The following SNRK variants were observed in gnomAD, a reference collection of about 807,000 sequenced individuals.
The protein encoded by SNRK is SNF related kinase, also known as SNF-related serine/threonine-protein kinase.
In SNRK, 3 loss-of-function variants were observed where a neutral mutation model predicts 48.2. The observed-to-expected ratio is 0.06, with a 90% CI of 0.03 to 0.16. SNRK has a LOEUF of 0.16. Ranked by LOEUF, SNRK falls within the 10% of genes least tolerant of loss-of-function variation. SNRK has a pLI of 1.00. For missense variants in SNRK, 627 were observed against 976.0 expected, an observed-to-expected ratio of 0.64 and a Z score of 4.76; for synonymous variants, 376 against 366.1, an observed-to-expected ratio of 1.03 and a Z score of -0.31.
At chr3:43,343,168 C>CTT in intron 5 of SNRK, 176 bp from the exon 6 acceptor site, 4 of 718,640 alleles carry the variant, frequency 5.6e-6, no homozygotes, top group Non-Finnish European at 8.6e-6. Flanking sequence ...GTTTTTAGAA[C>CTT]TTTGAGTGAC....
chr3:43,348,248 G>A lies in SNRK; in HGVS notation c.1989G>A (p.Lys663=), dbSNP rs772754873. The A allele has an allele frequency of 3.7e-6, 6 of 1,613,924 alleles. No individual in the cohort carries two copies. The highest frequency in any genetic ancestry group is 1.7e-5 in the Admixed American group (1 of 59,984). The change falls in exon 7 of 7, where the codon AAG becomes AAA. Residue 663 remains lysine, a synonymous_variant. Coordinates refer to ENST00000296088, the MANE Select transcript of SNRK (RefSeq NM_017719.5). ...CLGSQLHGST[K]YIIDPQNGLS... ...GCTCCCAGCTTCATGGGAGCACCAA[G>A]TACATTATTGATCCACAGAATGGCT...
chr3:43,344,562 G>T (rs1283452921), intron 6 of SNRK, among the ~76,000 whole-genome samples: 3 of 152,088 alleles, frequency 2.0e-5, no homozygotes, highest in South Asian at 2.1e-4. Context: ...CAGAGTAGGG[G>T]GAGGAAAACA....
At chr3:43,318,983 G>A (rs1222476754) in intron 3 of SNRK, among the ~76,000 whole-genome samples, 2 of 151,122 alleles carry the variant, frequency 1.3e-5, no homozygotes, top group Non-Finnish European at 2.9e-5. Flanking sequence ...AGCTGAGATC[G>A]TGCCACTGCA....
At chr3:43,305,241 C>T (rs1318030165) in intron 3 of SNRK, among the ~76,000 whole-genome samples, 3 of 152,056 alleles carry the variant, frequency 2.0e-5, no homozygotes, top group African/African-American at 7.2e-5. Flanking sequence ...ATCTGATAAC[C>T]TAGCAGTTCT....
chr3:43,297,784 A>G (rs1389407178), intron 1 of SNRK, among the ~76,000 whole-genome samples: 2 of 152,218 alleles, frequency 1.3e-5, no homozygotes, highest in African/African-American at 4.8e-5. Flanking sequence ...AAAAGCAAAT[A>G]CTTACATTTT....
intron 3 of SNRK, among the ~76,000 whole-genome samples, chr3:43,310,302 T>C (rs2090970284): frequency 6.6e-6 from 1 of 152,202 alleles, no homozygotes; most frequent in Non-Finnish European, 1.5e-5. Context: ...CTTTCTTTGC[T>C]CTTTCCCCAG....
chr3:43,287,886 T>G (rs2090778765), intron 1 of SNRK, among the ~76,000 whole-genome samples: 1 of 152,246 alleles, frequency 6.6e-6, no homozygotes, highest in African/African-American at 2.4e-5. Flanking sequence ...TATAAAATAA[T>G]TCCCTTAAGG....
intron 3 of SNRK, 144 bp from the exon 4 acceptor site, chr3:43,332,025 G>T (rs2091150346): frequency 5.6e-6 from 3 of 531,172 alleles, no homozygotes; most frequent in Non-Finnish European, 9.1e-6. Context: ...TGCCCTATTG[G>T]GGCTTCTTTT....
chr3:43,331,040 C>T (rs2091142416), intron 3 of SNRK, among the ~76,000 whole-genome samples: 1 of 152,164 alleles, frequency 6.6e-6, no homozygotes, highest in African/African-American at 2.4e-5. Flanking sequence ...TGGGAAATAA[C>T]ATGGAACCTA....
Position 43,303,467 on chromosome 3 carries a change from A to G in SNRK, c.264A>G (p.Leu88=), listed in dbSNP as rs758736314. The G allele has an allele frequency of 2.5e-6, 4 of 1,614,054 alleles. No individual in the cohort carries two copies. The highest frequency in any genetic ancestry group is 2.7e-5 in the African/African-American group (2 of 74,912). ...LYEVIDTQTK[L]YLILELGDGG... is the part of the protein sequence containing the mutation. ...AAGTTATTGACACCCAGACCAAACT[A>G]TATCTTATTCTAGAACTTGGGGATG... Residue 88 remains leucine (L), a synonymous_variant, in exon 3 of 7, where the codon CTA becomes CTG. Transcript: ENST00000296088. This position sits in a 1 kb window ranked among gnomAD's most constrained non-coding sequence, Gnocchi z 6.2.
intron 3 of SNRK, among the ~76,000 whole-genome samples, chr3:43,328,232 A>G (rs1429892435): frequency 2.0e-5 from 3 of 151,596 alleles, no homozygotes; most frequent in Non-Finnish European, 2.9e-5. Context: ...GGTTTCAGTG[A>G]TCCCTTGCAG....
chr3:43,302,614 G>T (rs944338785), intron 2 of SNRK, among the ~76,000 whole-genome samples: 3 of 151,438 alleles, frequency 2.0e-5, no homozygotes, highest in African/African-American at 7.3e-5. Flanking sequence ...AGCTGGGAGA[G>T]TTAGAGAAAC....
At chr3:43,297,797 G>A (rs1215544683) in intron 1 of SNRK, among the ~76,000 whole-genome samples, 2 of 152,066 alleles carry the variant, frequency 1.3e-5, no homozygotes, top group Non-Finnish European at 2.9e-5. Context: ...TACATTTTGT[G>A]AGATATTTTA....
At chr3:43,331,741 G>T (rs55915337) in intron 3 of SNRK, among the ~76,000 whole-genome samples, 21 of 152,200 alleles carry the variant, frequency 1.4e-4, no homozygotes, top group Admixed American at 1.2e-3. Context: ...CCTCACTAGC[G>T]TTGAGGTAAA....
chr3:43,286,758 C>T (rs1052882852), intron 1 of SNRK, 83 bp downstream of exon 1: 3 of 147,992 alleles, frequency 2.0e-5, no homozygotes, highest in Non-Finnish European at 3.0e-5. Flanking sequence ...CAGTAGCCTC[C>T]GCTGTTGCCG....
chr3:43,305,012 AG>A (rs1222586731), intron 3 of SNRK, among the ~76,000 whole-genome samples: 1 of 152,170 alleles, frequency 6.6e-6, no homozygotes, highest in Non-Finnish European at 1.5e-5. Context: ...TGTCTACCCA[AG>A]AAAAAATCTT....
chr3:43,341,368 G>A (rs879879314), intron 5 of SNRK, among the ~76,000 whole-genome samples: 8 of 152,220 alleles, frequency 5.3e-5, no homozygotes, highest in Middle Eastern at 3.4e-3. Context: ...AGCCAGGATG[G>A]TCTCGATCTC....
At chr3:43,341,021 C>A (rs1483736567) in intron 5 of SNRK, among the ~76,000 whole-genome samples, 7 of 151,684 alleles carry the variant, frequency 4.6e-5, no homozygotes, top group African/African-American at 1.7e-4. Context: ...GTGGGAGAGA[C>A]CACTTGGCCT....
chr3:43,314,928 T>C (rs1416114606), intron 3 of SNRK: 1 of 152,040 alleles, frequency 6.6e-6, no homozygotes, highest in East Asian at 1.9e-4. Context: ...TTCTCTTTGG[T>C]TTATAAATAA....
Sources: gnomAD v4.1 joint callset for allele counts (sites outside exome capture counted in the v4.1 genomes callset) on GRCh38, gnomAD v4.1.1 for gene constraint, Gnocchi (gnomAD v3.1) non-coding constraint, MANE v1.5 for transcripts, NCBI Gene and HGNC (gene_info 2026-07-23, HGNC 2026-07-21) for gene names.